The following TCEA1 variants were observed in gnomAD, a reference collection of about 807,000 sequenced individuals.
The protein encoded by TCEA1 is transcription elongation factor A protein 1.
TCEA1 carries 21 observed loss-of-function variants against 43.8 expected under a neutral mutation model. The observed-to-expected ratio is 0.48, with a 90% CI of 0.34 to 0.69. The LOEUF is 0.69. Among genes scored for constraint, TCEA1 ranks in the 30% least tolerant of loss-of-function variants. TCEA1 has a pLI of 0.01. For synonymous variants in TCEA1, 104 were observed against 117.5 expected (o/e 0.88, Z 0.75); for missense variants, 250 against 365.1 (o/e 0.68, Z 2.57).
intron 3 of TCEA1, among the ~76,000 whole-genome samples, chr8:53,996,231 A>T (rs1804046846): frequency 6.6e-6 from 1 of 152,244 alleles, no homozygotes; most frequent in Non-Finnish European, 1.5e-5. Flanking sequence ...CCTCAGAAGC[A>T]TTCCTACTAT....
chr8:53,986,416 TAAC>T (rs1192760475), intron 6 of TCEA1, among the ~76,000 whole-genome samples: 4 of 152,360 alleles, frequency 2.6e-5, no homozygotes, highest in Admixed American at 1.3e-4. Context: ...CACCATAATA[TAAC>T]ACAGCCTGTC....
At position 54,022,318 on chromosome 8, in the gene TCEA1, C is replaced by T; in HGVS notation, c.-193G>A. The T allele has an allele frequency of 1.5e-6, 1 of 658,328 alleles. No homozygotes were observed. Among genetic ancestry groups the T allele is most frequent in the South Asian group, 1.7e-5 (1 of 58,040 alleles). 40.8% of individuals were successfully genotyped at this position (658,328 alleles called of 1,614,324 possible). The stretch of plus-strand genomic sequence containing the variant: ...CGGCGGCGGCTCCGGCTCCTCCTCC[C>T]CAGGCAGCGACAATCGAACACCGCG... On this transcript the variant is annotated 5_prime_UTR_variant, in exon 1 of 10. Coordinates refer to ENST00000521604, the MANE Select transcript of TCEA1 (RefSeq NM_006756.4).
At chr8:53,987,668 AATTAAGCTCCCAT>A in intron 5 of TCEA1, among the ~76,000 whole-genome samples, 1 of 152,300 alleles carries the variant, frequency 6.6e-6, no homozygotes, top group East Asian at 1.9e-4. Flanking sequence ...TTTCAAATTA[AATTAAGCTCCCAT>A]ATATAAATCA....
chr8:53,992,955 CTTTT>C (rs34864863), intron 4 of TCEA1, among the ~76,000 whole-genome samples: 1 of 136,242 alleles, frequency 7.3e-6, no homozygotes. Flanking sequence ...TAACAAATGG[CTTTT>C]TTTTTTTTTT....
At chr8:54,007,867 T>C (rs1203987198) in intron 2 of TCEA1, among the ~76,000 whole-genome samples, 1 of 152,186 alleles carries the variant, frequency 6.6e-6, no homozygotes, top group East Asian at 1.9e-4. Context: ...TTGACTTTTA[T>C]CAAAGTTTTA....
At chr8:54,003,198 A>T in intron 2 of TCEA1, 1 of 381,430 alleles carries the variant, frequency 2.6e-6, no homozygotes, top group Non-Finnish European at 5.1e-6. Context: ...CTACTATAAA[A>T]CATTTTTGAA....
intron 4 of TCEA1, 28 bp from the exon 5 acceptor site, chr8:53,988,287 G>T: frequency 1.2e-6 from 2 of 1,601,830 alleles, no homozygotes. Flanking sequence ...ACCCCAAAAA[G>T]AAATCAAGAA....
intron 9 of TCEA1, 53 bp from the exon 10 acceptor site, chr8:53,968,165 A>C: frequency 1.2e-5 from 17 of 1,423,842 alleles, no homozygotes; most frequent in Non-Finnish European, 1.5e-5. Context: ...AATAAGGTAC[A>C]TTCCCCATTT....
chr8:54,022,256 C>A lies in TCEA1; in HGVS notation c.-131G>T. The A allele has an allele frequency of 2.6e-6, 3 of 1,171,598 alleles. No individual in the cohort carries two copies. The South Asian group carries it at 3.9e-5, about 15-fold the overall frequency. 72.6% of individuals were successfully genotyped at this position (1,171,598 alleles called of 1,614,324 possible). A position where few individuals can be genotyped will look rare whatever the true frequency, so the allele number is the denominator to read the frequency against. On this transcript the variant is annotated 5_prime_UTR_variant, in exon 1 of 10. Coordinates refer to ENST00000521604, the MANE Select transcript of TCEA1 (RefSeq NM_006756.4). ...CCACCGCAGGCCCGGGCCTAGGCCC[C>A]CTTCCTTACGAACGAAGCCCGCGGC...
rs533995221 is a variant in TCEA1 at position 54,017,245 on chromosome 8, C to T, written c.63+4818G>A. Among the ~76,000 whole-genome samples, 14 of 152,080 alleles carry T rather than the reference C, an allele frequency of 9.2e-5. No individual in the cohort carries two copies. The South Asian group carries it at 2.5e-3, about 27-fold the overall frequency. On this transcript the variant is annotated intron_variant, in intron 1 of 9. Transcript: ENST00000521604. ...TACAGTAGTAATAGTTGCACAAACCCGTAAATACACTAAAAGCCACTGAAT... is the reference window on the plus strand; with the variant it reads ...TACAGTAGTAATAGTTGCACAAACCTGTAAATACACTAAAAGCCACTGAAT...
intron 2 of TCEA1, among the ~76,000 whole-genome samples, chr8:54,009,371 C>G (rs1586032780): frequency 1.3e-5 from 2 of 152,270 alleles, no homozygotes; most frequent in East Asian, 3.9e-4. Context: ...ATCTGCACCC[C>G]TCATGTTTAC....
At chr8:54,007,335 T>TTG (rs1217124669) in intron 2 of TCEA1, among the ~76,000 whole-genome samples, 6 of 152,166 alleles carry the variant, frequency 3.9e-5, no homozygotes, top group South Asian at 4.1e-4. Flanking sequence ...GCTCCCCAAT[T>TTG]TGTGTGTGTG....
intron 8 of TCEA1, 42 bp from the exon 9 acceptor site, chr8:53,970,505 TA>T: frequency 8.5e-7 from 1 of 1,182,096 alleles, no homozygotes; most frequent in Non-Finnish European, 1.2e-6. Flanking sequence ...GCAGTACTAT[TA>T]AAAAACCCAA....
chr8:54,010,734 A>G (rs1249641571), intron 1 of TCEA1, among the ~76,000 whole-genome samples: 1 of 152,208 alleles, frequency 6.6e-6, no homozygotes, highest in East Asian at 1.9e-4. Context: ...TACTTAATGT[A>G]CTATATCTGG....
chr8:53,988,606 G>A (rs1372430015), intron 4 of TCEA1, among the ~76,000 whole-genome samples: 1 of 152,136 alleles, frequency 6.6e-6, no homozygotes, highest in Admixed American at 6.6e-5. Context: ...ATGAAGGGAT[G>A]GGACCAGAGA....
chr8:54,019,388 G>A (rs192928430), intron 1 of TCEA1, among the ~76,000 whole-genome samples: 11 of 152,070 alleles, frequency 7.2e-5, no homozygotes, highest in East Asian at 1.9e-4. Flanking sequence ...TGGCCAATAC[G>A]TTGAAATCCC....
rs369337474 is a variant in TCEA1, at chr8:53,983,368, ACT to A, written c.678+993_678+994del. ...ATGTTTGTGTACAGAAGAAAAATTCACTCTCTTCAATGTTCACTAAAACGTTG... is the reference window on the plus strand; with the variant it reads ...ATGTTTGTGTACAGAAGAAAAATTCACTCTTCAATGTTCACTAAAACGTTG... On this transcript the variant is annotated intron_variant, in intron 7 of 9. Transcript: ENST00000521604. Among the ~76,000 whole-genome samples, 24 of 152,316 alleles carry A rather than the reference ACT, an allele frequency of 1.6e-4. No homozygotes were observed. The East Asian group carries it at 4.2e-3, about 27-fold the overall frequency.
chr8:53,969,775 T>G (rs570111220), intron 9 of TCEA1, among the ~76,000 whole-genome samples: 3 of 152,310 alleles, frequency 2.0e-5, no homozygotes, highest in Non-Finnish European at 4.4e-5. Context: ...TCTATAATAA[T>G]GATTAAAATG....
intron 2 of TCEA1, among the ~76,000 whole-genome samples, chr8:54,004,429 T>C (rs1804374010): frequency 6.6e-6 from 1 of 152,238 alleles, no homozygotes; most frequent in Non-Finnish European, 1.5e-5. Context: ...TGCAACTGAA[T>C]ATTATTCAGC....
Sources: gnomAD v4.1 joint callset for allele counts (sites outside exome capture counted in the v4.1 genomes callset) on GRCh38, gnomAD v4.1.1 for gene constraint, MANE v1.5 for transcripts, NCBI Gene and HGNC (gene_info 2026-07-23, HGNC 2026-07-21) for gene names.